Variants in CD1B observed in about 807,000 individuals in gnomAD.
CD1B encodes the protein T-cell surface glycoprotein CD1b.
CD1B carries 43 observed loss-of-function variants against 39.8 expected under a neutral mutation model. The ratio of observed to expected loss-of-function variants is 1.08; its 90% CI spans 0.85 to 1.39. The LOEUF is 1.39. Among genes scored for constraint, CD1B ranks in the 40% most tolerant of loss-of-function variants. The probability of loss-of-function intolerance (pLI) is 0.00; values close to 1 mark genes in which losing one functional copy is unlikely to be tolerated. For synonymous variants in CD1B, 192 were observed against 152.5 expected (o/e 1.26, Z -1.91); for missense variants, 495 against 403.8 (o/e 1.23, Z -1.94).
At chr1:158,287,449 C>T in the CD1B span, among the ~76,000 whole-genome samples, 1 of 152,140 alleles carries the variant, frequency 6.6e-6, no homozygotes, top group Admixed American at 6.5e-5. Context: ...TTAGAGGCCC[C>T]ATTTCCAAAT....
At chr1:158,313,287 G>C in the CD1B span, among the ~76,000 whole-genome samples, 1 of 151,968 alleles carries the variant, frequency 6.6e-6, no homozygotes, top group Non-Finnish European at 1.5e-5. Flanking sequence ...GTTTCATTAG[G>C]GATATTGGCC....
the CD1B span, among the ~76,000 whole-genome samples, chr1:158,319,283 C>T: frequency 0.02 from 2,966 of 151,976 alleles, 122 homozygotes; most frequent in Admixed American, 0.1. Context: ...CCATTCTCCC[C>T]GTCACTTTCA....
chr1:158,327,319 C>G (rs1028161109), downstream of CD1B, among the ~76,000 whole-genome samples: 1 of 152,200 alleles, frequency 6.6e-6, no homozygotes, highest in Admixed American at 6.5e-5. Flanking sequence ...GGGAGTGCAG[C>G]TGGCTTCACC....
At chr1:158,292,752 C>T in the CD1B span, 1 of 1,614,188 alleles carries the variant, frequency 6.2e-7, no homozygotes, top group South Asian at 1.1e-5. Context: ...GATATTCTTC[C>T]TAATGCTGAT....
At chr1:158,297,926 AC>A in the CD1B span, among the ~76,000 whole-genome samples, 1 of 143,052 alleles carries the variant, frequency 7.0e-6, no homozygotes, top group Non-Finnish European at 1.5e-5. Context: ...ACAGAGTGAG[AC>A]CCTGTCTCAC....
At chr1:158,308,453 A>C in the CD1B span, among the ~76,000 whole-genome samples, 4 of 152,170 alleles carry the variant, frequency 2.6e-5, no homozygotes, top group Admixed American at 2.0e-4. Flanking sequence ...GTTACCAATG[A>C]CTTTCTTCAC....
the CD1B span, among the ~76,000 whole-genome samples, chr1:158,322,417 G>GGT: frequency 5.9e-5 from 8 of 135,728 alleles, no homozygotes; most frequent in South Asian, 2.3e-4. Context: ...TTTTTTTTCT[G>GGT]TTTTTTTTTT....
the CD1B span, chr1:158,292,054 A>G: frequency 6.3e-7 from 1 of 1,579,054 alleles, no homozygotes; most frequent in Non-Finnish European, 8.6e-7. Flanking sequence ...TTTTGTTTGA[A>G]CTCTTTTTCT....
chr1:158,311,879 T>A, the CD1B span, among the ~76,000 whole-genome samples: 1 of 152,218 alleles, frequency 6.6e-6, no homozygotes, highest in Admixed American at 6.5e-5. Context: ...ACCAGTACCA[T>A]GCTGTTTTGG....
chr1:158,318,911 C>T, the CD1B span, among the ~76,000 whole-genome samples: 1 of 152,126 alleles, frequency 6.6e-6, no homozygotes, highest in Admixed American at 6.5e-5. Context: ...TTTATTTCTC[C>T]TTCACTTATG....
chr1:158,330,531 G>A (rs1178676758), intron 2 of CD1B: 3 of 649,162 alleles, frequency 4.6e-6, no homozygotes, highest in Non-Finnish European at 8.5e-6. Context: ...GGCCCTTGAG[G>A]AGAAGTTTCA....
the CD1B span, among the ~76,000 whole-genome samples, chr1:158,296,597 C>A: frequency 6.6e-6 from 1 of 152,094 alleles, no homozygotes; most frequent in African/African-American, 2.4e-5. Flanking sequence ...CCTAACCAGA[C>A]TAAAATGGCT....
chr1:158,314,087 T>C, the CD1B span, among the ~76,000 whole-genome samples: 18 of 152,156 alleles, frequency 1.2e-4, no homozygotes, highest in African/African-American at 4.3e-4. Context: ...TTTGTCAGGT[T>C]TTGTTTTTGA....
chr1:158,298,163 T>A, the CD1B span, among the ~76,000 whole-genome samples: 1 of 152,120 alleles, frequency 6.6e-6, no homozygotes, highest in South Asian at 2.1e-4. Context: ...CATTATTTAA[T>A]GATAGAGGGT....
At chr1:158,320,256 C>A in the CD1B span, among the ~76,000 whole-genome samples, 1 of 152,178 alleles carries the variant, frequency 6.6e-6, no homozygotes, top group African/African-American at 2.4e-5. Flanking sequence ...CCTGCCTCAG[C>A]CTCACTGCCG....
At chr1:158,308,897 A>T in the CD1B span, among the ~76,000 whole-genome samples, 2 of 152,184 alleles carry the variant, frequency 1.3e-5, no homozygotes, top group African/African-American at 2.4e-5. Context: ...AACCTAGGCA[A>T]TACCATTCAG....
the CD1B span, among the ~76,000 whole-genome samples, chr1:158,321,073 G>T: frequency 2.6e-5 from 4 of 152,078 alleles, no homozygotes; most frequent in African/African-American, 9.7e-5. Flanking sequence ...ATTCTGTCTG[G>T]ATTATCTGTT....
At chr1:158,293,547 G>A in the CD1B span, 20 of 1,613,826 alleles carry the variant, frequency 1.2e-5, no homozygotes, top group Admixed American at 3.3e-5. Flanking sequence ...ATATAGTGAT[G>A]CCATCCCGTC....
the CD1B span, among the ~76,000 whole-genome samples, chr1:158,302,019 C>A: frequency 6.6e-6 from 1 of 152,042 alleles, no homozygotes; most frequent in Admixed American, 6.6e-5. Context: ...GACCGGAGCT[C>A]TTCCTATTCA....
Sources: allele counts gnomAD v4.1 joint callset (sites outside exome capture counted in the v4.1 genomes callset), GRCh38; gene constraint gnomAD v4.1.1; transcripts MANE v1.5; gene names NCBI Gene and HGNC (gene_info 2026-07-23, HGNC 2026-07-21).